SLC26A7: variants seen among roughly 807,000 people sequenced by gnomAD.
SLC26A7 encodes solute carrier family 26 member 7.
A neutral mutation model predicts 82.5 loss-of-function variants in SLC26A7; 59 were observed. The ratio of observed to expected loss-of-function variants is 0.72; its 90% CI spans 0.58 to 0.89. The LOEUF is 0.89. Ranked by LOEUF, SLC26A7 falls within the 40% of genes least tolerant of loss-of-function variation. The pLI, the probability that SLC26A7 is intolerant of heterozygous loss-of-function variation, is 0.00. For missense variants in SLC26A7, 820 were observed against 793.0 expected (o/e 1.03, Z -0.41); for synonymous variants, 271 against 274.3 (o/e 0.99, Z 0.12).
chr8:91,339,659 TA>T lies in SLC26A7; in HGVS notation c.879-744del, dbSNP rs1228482604. On this transcript the variant is annotated intron_variant, in intron 7 of 18. Coordinates refer to ENST00000276609, the MANE Select transcript of SLC26A7 (RefSeq NM_052832.4). The stretch of plus-strand genomic sequence containing the variant: ...TTATTTATTTATTTATTTATTTATT[TA>T]TTTAATTTATTTTTTGGGTAAGTCT... 2.2e-4 allele frequency among the ~76,000 whole-genome samples: 32 copies of T among 148,692 alleles called. No homozygotes were observed. In the Middle Eastern group the frequency reaches 0.01, roughly 48 times the overall value.
chr8:91,306,674 GT>G (rs2130791982), intron 4 of SLC26A7, among the ~76,000 whole-genome samples: 1 of 151,410 alleles, frequency 6.6e-6, no homozygotes, highest in African/African-American at 2.4e-5. Flanking sequence ...TTGATATTTT[GT>G]TATTAACTAA....
chr8:91,320,049 T>A (rs543251452), intron 5 of SLC26A7, among the ~76,000 whole-genome samples: 1 of 152,164 alleles, frequency 6.6e-6, no homozygotes, highest in Admixed American at 6.6e-5. Context: ...AGATCAACAC[T>A]GTGGGACTTT....
Position 91,334,464 on chromosome 8 carries a change from C to T in SLC26A7, c.795+17C>T. ...TTAGTTTTGGTAAGTATAAAATCAA[C>T]ATTTAGCTTTTTGCCATGCAAAGCT... On this transcript the variant is annotated intron_variant, in intron 6 of 18. Coordinates refer to ENST00000276609, the MANE Select transcript of SLC26A7 (RefSeq NM_052832.4). 1 of 1,602,274 alleles carries T rather than the reference C, an allele frequency of 6.2e-7. No individual in the cohort carries two copies.
intron 13 of SLC26A7, among the ~76,000 whole-genome samples, chr8:91,365,104 C>T (rs1477937057): frequency 6.6e-6 from 1 of 152,104 alleles, no homozygotes; most frequent in Non-Finnish European, 1.5e-5. Context: ...TCAGTGAATT[C>T]AACCCCACTG....
At position 91,308,024 on chromosome 8, in the gene SLC26A7, T is replaced by A. The variant is rs897799850; in HGVS notation, c.478-10192T>A. On this transcript the variant is annotated intron_variant, in intron 4 of 18. Transcript: ENST00000276609. ...GTTAATTATTACCTAATGTCCTTTT[T>A]TTGTGTTCCAGGATCCCATCCAGGA... Among the ~76,000 whole-genome samples the A allele has an allele frequency of 3.3e-5, 5 of 152,088 alleles. No homozygotes were observed. The South Asian group carries it at 6.2e-4, about 19-fold the overall frequency.
At chr8:91,277,410 C>A (rs942176026) in intron 2 of SLC26A7, among the ~76,000 whole-genome samples, 8 of 152,166 alleles carry the variant, frequency 5.3e-5, no homozygotes, top group Non-Finnish European at 8.8e-5. Context: ...AATATTTTTT[C>A]ATGCTCATAT....
At position 91,344,183 on chromosome 8, in the gene SLC26A7, G is replaced by A. The variant is rs1813497749; in HGVS notation, c.1140+717G>A. The A allele has an allele frequency of 5.1e-6, 5 of 985,272 alleles. 1 individual carries two copies. In the Middle Eastern group the frequency reaches 1.5e-3, roughly 305 times the overall value. 61.0% of individuals were successfully genotyped at this position (985,272 alleles called of 1,614,324 possible). The stretch of plus-strand genomic sequence containing the variant: ...TCCTATGAAAAACTAAACCTTTGAT[G>A]ATCTAGGCAACCTTAAGAAGGAGGT... On this transcript the variant is annotated intron_variant, in intron 9 of 18. Coordinates refer to ENST00000276609, the MANE Select transcript of SLC26A7 (RefSeq NM_052832.4).
intron 2 of SLC26A7, among the ~76,000 whole-genome samples, chr8:91,268,790 C>G (rs944910782): frequency 6.6e-6 from 1 of 150,962 alleles, no homozygotes; most frequent in African/African-American, 2.4e-5. Context: ...AAGTGACTTT[C>G]TCTAGTAAAG....
Position 91,395,219 on chromosome 8 carries a change from G to A in SLC26A7, c.*122G>A, listed in dbSNP as rs765145766. ...AGATGACCTCTGCTACAATAAGTAC[G>A]ATGTGACTTAGTAACTGCATAGCAG... is the stretch of plus-strand genomic sequence containing the variant. On this transcript the variant is annotated 3_prime_UTR_variant, in exon 19 of 19. Coordinates refer to ENST00000276609, the MANE Select transcript of SLC26A7 (RefSeq NM_052832.4). The A allele has an allele frequency of 1.3e-4, 203 of 1,519,234 alleles. No individual in the cohort carries two copies. The highest frequency in any genetic ancestry group is 1.7e-4 in the Non-Finnish European group (194 of 1,136,206). The allele number at this position is 1,519,234 out of a possible 1,614,324, so 94.1% of individuals were successfully genotyped here.
At chr8:91,294,426 A>T (rs1811961353) in intron 3 of SLC26A7, among the ~76,000 whole-genome samples, 1 of 152,058 alleles carries the variant, frequency 6.6e-6, no homozygotes, top group Non-Finnish European at 1.5e-5. Context: ...ATCTAGTAAG[A>T]CCAAGTATTG....
intron 2 of SLC26A7, among the ~76,000 whole-genome samples, chr8:91,236,567 T>TAAAA (rs34866045): frequency 6.7e-6 from 1 of 150,370 alleles, no homozygotes. Flanking sequence ...TCTGTGCAGA[T>TAAAA]AAAAAAAAAA....
At chr8:91,373,900 A>T (rs1363986558) in intron 15 of SLC26A7, among the ~76,000 whole-genome samples, 1 of 151,904 alleles carries the variant, frequency 6.6e-6, no homozygotes, top group East Asian at 1.9e-4. Context: ...AATAAATCTC[A>T]TAATTCTTTA....
rs566481562 is a variant in SLC26A7, at chr8:91,295,892, G to T, written c.477+189G>T. 7.2e-5 allele frequency among the ~76,000 whole-genome samples: 11 copies of T among 152,282 alleles called. 1 individual carries two copies. The South Asian group carries it at 1.2e-3, about 17-fold the overall frequency. The stretch of plus-strand genomic sequence containing the variant: ...AAATGCTGGTTGAATGAATGAACTA[G>T]AATCAATAAATTGAAGTTACACAGA... On this transcript the variant is annotated intron_variant, in intron 4 of 18. Coordinates refer to ENST00000276609, the MANE Select transcript of SLC26A7 (RefSeq NM_052832.4).
chr8:91,336,892 A>C (rs1268258688), intron 6 of SLC26A7, among the ~76,000 whole-genome samples: 4 of 152,118 alleles, frequency 2.6e-5, no homozygotes, highest in Non-Finnish European at 4.4e-5. Context: ...ATAGCTCTCA[A>C]TATTTTCTGA....
chr8:91,303,668 G>A (rs1812227875), intron 4 of SLC26A7, among the ~76,000 whole-genome samples: 1 of 152,128 alleles, frequency 6.6e-6, no homozygotes, highest in South Asian at 2.1e-4. Context: ...TGTCTTCAAG[G>A]ATGATAAAAA....
intron 2 of SLC26A7, among the ~76,000 whole-genome samples, chr8:91,232,987 C>A (rs952411636): frequency 6.6e-6 from 1 of 152,158 alleles, no homozygotes; most frequent in Non-Finnish European, 1.5e-5. Context: ...TAATGTTCAT[C>A]AGGAGAATTG....
intron 2 of SLC26A7, among the ~76,000 whole-genome samples, chr8:91,257,276 C>T (rs1810830691): frequency 6.6e-6 from 1 of 152,076 alleles, no homozygotes; most frequent in East Asian, 1.9e-4. Flanking sequence ...AGAGGTGACA[C>T]ACAGATGAAA....
intron 9 of SLC26A7, chr8:91,343,893 A>G (rs745764436): frequency 1.2e-5 from 5 of 410,742 alleles, no homozygotes; most frequent in Non-Finnish European, 1.3e-5. Context: ...ATATAAATGA[A>G]TAATAAGATA....
chr8:91,326,602 G>A (rs1410464140), intron 5 of SLC26A7, among the ~76,000 whole-genome samples: 1 of 152,068 alleles, frequency 6.6e-6, no homozygotes, highest in Non-Finnish European at 1.5e-5. Context: ...CTGGGGGTTA[G>A]GATTTGAACA....
Sources: allele counts gnomAD v4.1 joint callset (sites outside exome capture counted in the v4.1 genomes callset), GRCh38; gene constraint gnomAD v4.1.1; transcripts MANE v1.5; gene names NCBI Gene and HGNC (gene_info 2026-07-23, HGNC 2026-07-21).